Variants in ZBBX observed in about 807,000 individuals in gnomAD.
The protein encoded by ZBBX is zinc finger B-box domain-containing protein 1.
ZBBX carries 101 observed loss-of-function variants against 108.5 expected under a neutral mutation model. The observed-to-expected ratio is 0.93, with a 90% CI of 0.79 to 1.10. ZBBX has a LOEUF of 1.10. ZBBX is among the 50% of genes least tolerant of loss of function. ZBBX has a pLI of 0.00. For synonymous variants in ZBBX, 356 were observed against 323.4 expected, an observed-to-expected ratio of 1.10 and a Z score of -1.08; for missense variants, 1,009 against 941.4, an observed-to-expected ratio of 1.07 and a Z score of -0.94.
At chr3:167,250,141 T>C (rs1281943394) in intron 20 of ZBBX, among the ~76,000 whole-genome samples, 1 of 152,054 alleles carries the variant, frequency 6.6e-6, no homozygotes, top group Non-Finnish European at 1.5e-5. Context: ...AGGAGGAAGT[T>C]GCAAAAATGG....
chr3:167,290,336 G>A (rs1730464079), intron 18 of ZBBX, among the ~76,000 whole-genome samples: 1 of 152,184 alleles, frequency 6.6e-6, no homozygotes, highest in African/African-American at 2.4e-5. Flanking sequence ...GCCTCACTGG[G>A]ACAAAGCTTC....
chr3:167,348,138 A>C (rs1335739273), intron 9 of ZBBX, among the ~76,000 whole-genome samples: 1 of 149,372 alleles, frequency 6.7e-6, no homozygotes, highest in African/African-American at 2.4e-5. Context: ...GCAGTATCTT[A>C]AGTGTTCTTA....
At chr3:167,210,984 A>T in the ZBBX span, among the ~76,000 whole-genome samples, 1 of 152,202 alleles carries the variant, frequency 6.6e-6, no homozygotes, top group Non-Finnish European at 1.5e-5. Context: ...GGAGTGGCCA[A>T]GATGGCCAAT....
At chr3:167,307,771 T>C (rs1263855836) in intron 16 of ZBBX, among the ~76,000 whole-genome samples, 3 of 152,104 alleles carry the variant, frequency 2.0e-5, no homozygotes, top group South Asian at 2.1e-4. Flanking sequence ...ATGCTGAAGA[T>C]TGAAGCTGGA....
chr3:167,339,726 T>C (rs1467778816), intron 9 of ZBBX, among the ~76,000 whole-genome samples: 1 of 152,138 alleles, frequency 6.6e-6, no homozygotes, highest in African/African-American at 2.4e-5. Context: ...TAGGTGTACG[T>C]GTGCCATGGT....
chr3:167,181,033 C>A, the ZBBX span, among the ~76,000 whole-genome samples: 2 of 152,160 alleles, frequency 1.3e-5, no homozygotes, highest in Non-Finnish European at 2.9e-5. Context: ...CCTCCAGTTT[C>A]TCTTAAGTTA....
At chr3:167,302,399 A>T (rs1249986156) in intron 17 of ZBBX, among the ~76,000 whole-genome samples, 1 of 152,130 alleles carries the variant, frequency 6.6e-6, no homozygotes, top group African/African-American at 2.4e-5. Flanking sequence ...AGTTGATTTT[A>T]TCATGTACAT....
the ZBBX span, among the ~76,000 whole-genome samples, chr3:167,205,058 G>A: frequency 6.6e-6 from 1 of 152,016 alleles, no homozygotes; most frequent in South Asian, 2.1e-4. Flanking sequence ...ACAATATGGG[G>A]GCACAACATG....
intron 10 of ZBBX, among the ~76,000 whole-genome samples, chr3:167,332,270 AAC>A (rs66694681): frequency 4.4e-5 from 6 of 135,400 alleles, no homozygotes; most frequent in Non-Finnish European, 3.2e-5. Context: ...TGAGGAGTTA[AAC>A]ACACACACAC....
chr3:167,223,745 T>C, the ZBBX span, among the ~76,000 whole-genome samples: 1 of 151,936 alleles, frequency 6.6e-6, no homozygotes, highest in African/African-American at 2.4e-5. Context: ...TTTTTTCTGG[T>C]CCAGGTTCAA....
chr3:167,355,095 A>T (rs1460863885), intron 8 of ZBBX, among the ~76,000 whole-genome samples: 1 of 151,962 alleles, frequency 6.6e-6, no homozygotes, highest in Non-Finnish European at 1.5e-5. Flanking sequence ...TGTTAATTTG[A>T]TGAATGCCAG....
chr3:167,292,495 A>C (rs1485553519), intron 18 of ZBBX, among the ~76,000 whole-genome samples: 1 of 152,232 alleles, frequency 6.6e-6, no homozygotes, highest in African/African-American at 2.4e-5. Context: ...ATGTTCTTTG[A>C]AACCAATGAG....
the ZBBX span, among the ~76,000 whole-genome samples, chr3:167,209,153 A>T: frequency 6.7e-6 from 1 of 148,206 alleles, no homozygotes; most frequent in African/African-American, 2.4e-5. Flanking sequence ...AGAAGAATAG[A>T]GCACCAGGTA....
intron 8 of ZBBX, among the ~76,000 whole-genome samples, chr3:167,358,087 C>A (rs1458685385): frequency 6.6e-6 from 1 of 151,552 alleles, no homozygotes; most frequent in Non-Finnish European, 1.5e-5. Context: ...TTAATGGGTG[C>A]AGCACACCAG....
intron 19 of ZBBX, among the ~76,000 whole-genome samples, chr3:167,283,239 C>A (rs1307302458): frequency 6.6e-6 from 1 of 152,084 alleles, no homozygotes; most frequent in Non-Finnish European, 1.5e-5. Context: ...AAAAAAAAAT[C>A]TCTTCAAATC....
At chr3:167,388,431 T>C (rs1489722382) in intron 1 of ZBBX, among the ~76,000 whole-genome samples, 2 of 151,748 alleles carry the variant, frequency 1.3e-5, no homozygotes, top group Non-Finnish European at 2.9e-5. Flanking sequence ...TTTTATAAGA[T>C]AACATTGGCA....
chr3:167,241,142 T>C (rs1720603247), intron 21 of ZBBX, among the ~76,000 whole-genome samples: 1 of 152,170 alleles, frequency 6.6e-6, no homozygotes, highest in African/African-American at 2.4e-5. Flanking sequence ...ACAGCCACAG[T>C]AGAATCAAGG....
chr3:167,317,735 G>A, intron 12 of ZBBX, 138 bp from the exon 13 acceptor site: 1 of 515,048 alleles, frequency 1.9e-6, no homozygotes, highest in Admixed American at 3.8e-5. Context: ...TTAATTCAAA[G>A]ATAAGTACAA....
chr3:167,333,792 G>A (rs376224789), intron 10 of ZBBX, 35 bp downstream of exon 10: 3 of 1,520,186 alleles, frequency 2.0e-6, no homozygotes, highest in East Asian at 2.3e-5. Context: ...AGTTACATAT[G>A]TCAGAAAATG....
Sources: gnomAD v4.1 joint callset for allele counts (sites outside exome capture counted in the v4.1 genomes callset) on GRCh38, gnomAD v4.1.1 for gene constraint, MANE v1.5 for transcripts, NCBI Gene and HGNC (gene_info 2026-07-23, HGNC 2026-07-21) for gene names.